Variants in MYH2 observed in about 807,000 individuals in gnomAD.
MYH2 encodes myosin-2.
A neutral mutation model predicts 228.1 loss-of-function variants in MYH2; 139 were observed. The ratio of observed to expected loss-of-function variants is 0.61; its 90% CI spans 0.53 to 0.70. MYH2 has a LOEUF of 0.70. Among genes scored for constraint, MYH2 ranks in the 30% least tolerant of loss-of-function variants. The pLI is 0.00. For synonymous variants in MYH2, 796 were observed against 871.1 expected (o/e 0.91, Z 1.52); for missense variants, 1,809 against 2,357.5 (o/e 0.77, Z 4.82).
At chr17:10,548,337 G>A (rs2073660831) in intron 2 of MYH2, among the ~76,000 whole-genome samples, 1 of 152,156 alleles carries the variant, frequency 6.6e-6, no homozygotes, top group Admixed American at 6.5e-5. Context: ...CATGATATAT[G>A]TGAAGATACT....
At chr17:10,533,195 A>G in intron 21 of MYH2, 90 bp downstream of exon 21, 1 of 1,561,690 alleles carries the variant, frequency 6.4e-7, no homozygotes, top group Non-Finnish European at 8.8e-7. Context: ...TTTCTTCTTT[A>G]GTGTCCTTAT....
In MYH2 at chr17:10,521,158, A is replaced by C. The variant is rs1259539404; in HGVS notation, c.*122T>G. The C allele has an allele frequency of 1.6e-6, 2 of 1,251,284 alleles. No homozygotes were observed. Among genetic ancestry groups the C allele is most frequent in the East Asian group, 4.7e-5 (2 of 42,914 alleles). 77.5% of individuals were successfully genotyped at this position (1,251,284 alleles called of 1,614,324 possible). A position where few individuals can be genotyped will look rare whatever the true frequency, so the allele number is the denominator to read the frequency against. ...AGACCAGTCTAAGGATATTGTTTGC[A>C]AACTACCCTATGCTTTATTTCCTTT... On this transcript the variant is annotated 3_prime_UTR_variant, in exon 40 of 40. Coordinates refer to ENST00000245503, the MANE Select transcript of MYH2 (RefSeq NM_017534.6).
At chr17:10,534,200 A>T (rs1342010024) in intron 19 of MYH2, among the ~76,000 whole-genome samples, 1 of 152,148 alleles carries the variant, frequency 6.6e-6, no homozygotes, top group African/African-American at 2.4e-5. Flanking sequence ...TCTAGAGAGG[A>T]GAAAAGGGAC....
chr17:10,540,400 A>G (rs999739055), intron 11 of MYH2, among the ~76,000 whole-genome samples, 194 bp downstream of exon 11: 2 of 152,046 alleles, frequency 1.3e-5, no homozygotes, highest in Non-Finnish European at 2.9e-5. Flanking sequence ...GAAATGATAG[A>G]TCTTTAGAAC....
Position 10,537,570 on chromosome 17 carries a change from G to A in MYH2, c.1588-28C>T, listed in dbSNP as rs765899352. 3.7e-6 allele frequency: 6 copies of A among 1,613,834 alleles called. No individual in the cohort carries two copies. Among genetic ancestry groups the A allele is most frequent in the African/African-American group, 1.3e-5 (1 of 74,836 alleles). On this transcript the variant is annotated intron_variant, in intron 15 of 39. Coordinates refer to ENST00000245503, the MANE Select transcript of MYH2 (RefSeq NM_017534.6). The surrounding 1 kb of genome is among the most constrained non-coding windows in gnomAD (Gnocchi z 4.0). ...AAAAAGCAGACCACAACACAAAATT[G>A]TACTTCTATTTTTTTTTCTGTCTAT...
At chr17:10,540,164 G>T in intron 11 of MYH2, 98 bp from the exon 12 acceptor site, 1 of 1,517,674 alleles carries the variant, frequency 6.6e-7, no homozygotes, top group Non-Finnish European at 9.1e-7. Context: ...AACTACCAGT[G>T]CTAATGGGAG....
intron 10 of MYH2, among the ~76,000 whole-genome samples, chr17:10,542,566 G>A (rs991017974): frequency 6.6e-6 from 1 of 152,182 alleles, no homozygotes; most frequent in Non-Finnish European, 1.5e-5. Context: ...TTTCAGTTAT[G>A]AAAATTGTAT....
In MYH2 at chr17:10,529,882, C is replaced by A; in HGVS notation, c.2890G>T (p.Glu964Ter). The change falls in exon 23 of 40, where the codon GAG becomes TAG. Residue 964 changes from glutamate to a stop codon, truncating the protein, a stop_gained. Transcript: ENST00000245503. LOFTEE classifies it high-confidence loss of function. ...SELKKDIDDL[E>*]LTLAKVEKEK... ...TTCTCAACCTTGGCCAGTGTCAGCTCAAGGTCATCAATGTCTTTCTTGAGT... is the reference window on the plus strand; with the variant it reads ...TTCTCAACCTTGGCCAGTGTCAGCTAAAGGTCATCAATGTCTTTCTTGAGT... 6.2e-7 allele frequency: 1 copy of A among 1,613,566 alleles called. No individual in the cohort carries two copies. Among genetic ancestry groups the A allele is most frequent in the South Asian group, 1.1e-5 (1 of 91,070 alleles).
At position 10,533,725 on chromosome 17, in the gene MYH2, TA is replaced by T. The variant is rs375104602; in HGVS notation, c.2181-94del. On this transcript the variant is annotated intron_variant, in intron 19 of 39. Transcript: ENST00000245503. ...TGATTCATTTTTTAAAGCAGAGCTT[TA>T]AAAAAATATTATTCTTTGTTCACAA... The T allele has an allele frequency of 1.2e-3, 1,810 of 1,474,324 alleles. 16 individuals carry two copies. The Admixed American group carries it at 0.015, about 12-fold the overall frequency. 91.3% of individuals were successfully genotyped at this position (1,474,324 alleles called of 1,614,324 possible).
At chr17:10,542,635 A>C (rs2073571983) in intron 10 of MYH2, among the ~76,000 whole-genome samples, 1 of 152,206 alleles carries the variant, frequency 6.6e-6, no homozygotes, top group African/African-American at 2.4e-5. Flanking sequence ...TATTCATCCA[A>C]GTGTTCATGG....
rs150682819 is a variant in MYH2 at position 10,538,017 on chromosome 17, G to A, written c.1417-182C>T. Among the ~76,000 whole-genome samples the A allele has an allele frequency of 2.0e-3, 310 of 152,306 alleles. 2 individuals are homozygous for A. Among genetic ancestry groups the A allele is most frequent in the African/African-American group, 7.0e-3 (290 of 41,562 alleles). On this transcript the variant is annotated intron_variant, in intron 14 of 39. Transcript: ENST00000245503. Reference sequence around the variant, plus strand: ...ATGGAAGGTTTGAGGGCATGTGGAAGCTACTATTTTTCTGCTGTCATTTTG... The same window carrying A: ...ATGGAAGGTTTGAGGGCATGTGGAAACTACTATTTTTCTGCTGTCATTTTG...
At position 10,524,469 on chromosome 17, in the gene MYH2, G is replaced by A; in HGVS notation, c.5172C>T (p.Thr1724=). 4.3e-6 allele frequency: 7 copies of A among 1,614,070 alleles called. No homozygotes were observed. Among genetic ancestry groups the A allele is most frequent in the Non-Finnish European group, 5.9e-6 (7 of 1,179,974 alleles). Residue 1724 remains threonine, a synonymous_variant, in exon 35 of 40, where the codon ACC becomes ACT. Transcript: ENST00000245503. The surrounding 1 kb of genome is among the most constrained non-coding windows in gnomAD (Gnocchi z 4.7). The part of the protein sequence containing the change: ...DASERVQLLH[T]QNTSLINTKK... ...AGTTCTTTGTGCTGAATCCCACCTGGGTGTGCAGTAGCTGAACACGCTCAC... is the reference window on the plus strand; with the variant it reads ...AGTTCTTTGTGCTGAATCCCACCTGAGTGTGCAGTAGCTGAACACGCTCAC...
chr17:10,534,727 G>A (rs758561167), intron 19 of MYH2, among the ~76,000 whole-genome samples: 5 of 152,178 alleles, frequency 3.3e-5, no homozygotes, highest in African/African-American at 4.8e-5. Flanking sequence ...GACTAGCCTG[G>A]CCAGCATGGT....
Position 10,526,768 on chromosome 17 carries a change from G to T in MYH2, c.4018C>A (p.Gln1340Lys). 6.2e-7 allele frequency: 1 copy of T among 1,614,246 alleles called. No individual in the cohort carries two copies. Among genetic ancestry groups the T allele is most frequent in the Non-Finnish European group, 8.5e-7 (1 of 1,180,044 alleles). Residue 1340 changes from glutamine (Q) to lysine (K), a missense_variant, in exon 30 of 40, where the codon CAG (glutamine) becomes AAG (lysine). Coordinates refer to ENST00000245503, the MANE Select transcript of MYH2 (RefSeq NM_017534.6). The stretch of plus-strand genomic sequence containing the variant: ...AGGTCACAGTCGTGGCGGGAAGACT[G>T]CAGGGCATGCGCCAGGGCGTTCTTG... ...KAKNALAHAL[Q>K]SSRHDCDLLR...
At position 10,529,849 on chromosome 17, in the gene MYH2, G is replaced by A. The variant is rs754311300; in HGVS notation, c.2923C>T (p.His975Tyr). 17 of 1,613,896 alleles carry A rather than the reference G, an allele frequency of 1.1e-5. No individual in the cohort carries two copies. The South Asian group carries it at 1.9e-4, about 18-fold the overall frequency. The change falls in exon 23 of 40, where the codon CAT becomes TAT. Residue 975 changes from histidine (H) to tyrosine (Y), a missense_variant. By Grantham distance (83) the His-to-Tyr change is moderately conservative. Transcript: ENST00000245503. The stretch of plus-strand genomic sequence containing the variant: ...ATTGATACCTTGTTTTCTGTGGCAT[G>A]TTTCTCCTTCTCAACCTTGGCCAGT... Reference protein sequence around the residue: ...LTLAKVEKEKHATENKVKNLT... With the variant: ...LTLAKVEKEKYATENKVKNLT...
rs376357016 is a variant in MYH2 at position 10,528,974 on chromosome 17, C to T, written c.3460G>A (p.Glu1154Lys). 26 of 1,614,058 alleles carry T rather than the reference C, an allele frequency of 1.6e-5. No homozygotes were observed. The highest frequency in any genetic ancestry group is 5.0e-5 in the Admixed American group (3 of 60,012). Reference sequence around the variant, plus strand: ...GCCCCACCGGCTTCTTCCAGCCTCTCGCTGATCTCCTCCAGCTCCCGGGAG... The same window carrying T: ...GCCCCACCGGCTTCTTCCAGCCTCTTGCTGATCTCCTCCAGCTCCCGGGAG... ...DLSRELEEIS[E>K]RLEEAGGATS... Residue 1154 changes from glutamate (E) to lysine (K), a missense_variant, in exon 27 of 40, where the codon GAG (glutamate) becomes AAG (lysine). Coordinates refer to ENST00000245503, the MANE Select transcript of MYH2 (RefSeq NM_017534.6).
rs531291725 is a variant in MYH2, at chr17:10,526,753, C to T, written c.4033G>A (p.Asp1345Asn). The T allele has an allele frequency of 1.2e-5, 19 of 1,614,228 alleles. No homozygotes were observed. The highest frequency in any genetic ancestry group is 1.1e-4 in the South Asian group (10 of 91,082). ...TACTGTTCCCGCAGCAGGTCACAGT[C>T]GTGGCGGGAAGACTGCAGGGCATGC... ...LAHALQSSRH[D>N]CDLLREQYEE... The change falls in exon 30 of 40, where the codon GAC becomes AAC. Residue 1345 changes from aspartate (D) to asparagine (N), a missense_variant. Physicochemically the swap from Asp to Asn is conservative, Grantham distance 23 (BLOSUM62 1). Transcript: ENST00000245503.
chr17:10,533,247 T>C (rs771390606), intron 21 of MYH2, 38 bp downstream of exon 21: 4 of 1,612,706 alleles, frequency 2.5e-6, no homozygotes, highest in South Asian at 1.1e-5. Flanking sequence ...AAATATGTTT[T>C]TGAAGATGGA....
chr17:10,537,158 C>T lies in MYH2; in HGVS notation c.1897+75G>A. 1.3e-6 allele frequency: 2 copies of T among 1,595,122 alleles called. No homozygotes were observed. The highest frequency in any genetic ancestry group is 2.2e-5 in the East Asian group (1 of 44,778). On this transcript the variant is annotated intron_variant, in intron 16 of 39. Coordinates refer to ENST00000245503, the MANE Select transcript of MYH2 (RefSeq NM_017534.6). The surrounding 1 kb of genome is among the most constrained non-coding windows in gnomAD (Gnocchi z 4.0). Reference sequence around the variant, plus strand: ...TTGGTCTGCAACCCTTCTGCCAGACCTAAGAGATCACTAGCTTCAATTTAA... The same window carrying T: ...TTGGTCTGCAACCCTTCTGCCAGACTTAAGAGATCACTAGCTTCAATTTAA...
Sources: gnomAD v4.1 joint callset for allele counts (sites outside exome capture counted in the v4.1 genomes callset) on GRCh38, gnomAD v4.1.1 for gene constraint, Gnocchi (gnomAD v3.1) non-coding constraint, MANE v1.5 for transcripts, NCBI Gene and HGNC (gene_info 2026-07-23, HGNC 2026-07-21) for gene names.